The following HBS1L variants were observed in gnomAD, a reference collection of about 807,000 sequenced individuals.
The protein encoded by HBS1L is HBS1-like protein.
A neutral mutation model predicts 88.9 loss-of-function variants in HBS1L; 55 were observed. The ratio of observed to expected loss-of-function variants is 0.62; its 90% CI spans 0.50 to 0.77. The LOEUF (loss-of-function observed/expected upper bound fraction) is 0.77, where lower values mean the gene tolerates loss of function less well. Among genes scored for constraint, HBS1L ranks in the 30% least tolerant of loss-of-function variants. HBS1L has a pLI of 0.00. For synonymous variants in HBS1L, 267 were observed against 288.5 expected (o/e 0.93, Z 0.76); for missense variants, 741 against 829.3 (o/e 0.89, Z 1.31).
At chr6:135,000,133 A>G (rs965700661) in intron 5 of HBS1L, among the ~76,000 whole-genome samples, 1 of 151,576 alleles carries the variant, frequency 6.6e-6, no homozygotes, top group Non-Finnish European at 1.5e-5. Flanking sequence ...ATATTGGCTC[A>G]CTGCAGTCTT....
intron 4 of HBS1L, among the ~76,000 whole-genome samples, chr6:135,019,735 T>C (rs184784456): frequency 6.6e-5 from 10 of 152,036 alleles, no homozygotes; most frequent in African/African-American, 1.9e-4. Flanking sequence ...TCATTGTATA[T>C]CTCCAGATAT....
At chr6:135,011,351 A>G (rs946380070) in intron 4 of HBS1L, among the ~76,000 whole-genome samples, 1 of 151,898 alleles carries the variant, frequency 6.6e-6, no homozygotes, top group Non-Finnish European at 1.5e-5. Context: ...CTGTCTCCAC[A>G]CACACAAAAA....
chr6:135,021,686 T>A (rs1776075348), intron 4 of HBS1L, among the ~76,000 whole-genome samples: 1 of 152,140 alleles, frequency 6.6e-6, no homozygotes, highest in Non-Finnish European at 1.5e-5. Context: ...TGTTACAGAA[T>A]AAAAGTTTGT....
At chr6:134,998,906 A>T (rs1424081515) in intron 5 of HBS1L, among the ~76,000 whole-genome samples, 1 of 152,236 alleles carries the variant, frequency 6.6e-6, no homozygotes, top group Non-Finnish European at 1.5e-5. Context: ...ACTAGTAGGT[A>T]AAAACAGTAA....
Position 135,042,144 on chromosome 6 carries a change from C to A in HBS1L, c.110-18G>T. 1.2e-6 allele frequency: 2 copies of A among 1,608,032 alleles called. No individual in the cohort carries two copies. Among genetic ancestry groups the A allele is most frequent in the South Asian group, 1.1e-5 (1 of 90,428 alleles). On this transcript the variant is annotated intron_variant, in intron 2 of 17. Coordinates refer to ENST00000367837, the MANE Select transcript of HBS1L (RefSeq NM_006620.4). ...CTGAGCAGCTAGAATATAAAATGATCAAAGAATGCTATGGTATAGCCATTT... is the reference window on the plus strand; with the variant it reads ...CTGAGCAGCTAGAATATAAAATGATAAAAGAATGCTATGGTATAGCCATTT...
intron 15 of HBS1L, 106 bp downstream of exon 15, chr6:134,978,573 T>C (rs776238065): frequency 1.0e-5 from 6 of 575,436 alleles, no homozygotes; most frequent in Non-Finnish European, 1.2e-5. Flanking sequence ...AAGATGTTAA[T>C]TCAAAATAAA....
intron 13 of HBS1L, among the ~76,000 whole-genome samples, chr6:134,981,789 T>G (rs1001677009): frequency 2.0e-5 from 3 of 151,952 alleles, no homozygotes; most frequent in Admixed American, 1.3e-4. Flanking sequence ...ATAATATACA[T>G]GTACATGTAA....
rs1029228263 is a variant in HBS1L at position 134,965,018 on chromosome 6, A to T, written c.*261T>A. The T allele has an allele frequency of 2.0e-6, 1 of 509,700 alleles. No individual in the cohort carries two copies. Among genetic ancestry groups the T allele is most frequent in the African/African-American group, 2.0e-5 (1 of 50,712 alleles). The allele number at this position is 509,700 out of a possible 1,614,324, so 31.6% of individuals were successfully genotyped here. On this transcript the variant is annotated 3_prime_UTR_variant, in exon 18 of 18. Transcript: ENST00000367837. Reference sequence around the variant, plus strand: ...ATACTATTTTTGACACTTGCCATAAATCTTAGCAAAGTAAATCCATTTATT... The same window carrying T: ...ATACTATTTTTGACACTTGCCATAATTCTTAGCAAAGTAAATCCATTTATT...
chr6:135,003,914 A>G (rs2114819166), intron 4 of HBS1L, among the ~76,000 whole-genome samples: 1 of 152,268 alleles, frequency 6.6e-6, no homozygotes, highest in Middle Eastern at 3.4e-3. Context: ...GGAGGGATGG[A>G]GGAGAATAAA....
intron 15 of HBS1L, among the ~76,000 whole-genome samples, chr6:134,976,271 T>C (rs976100542): frequency 6.6e-6 from 1 of 152,072 alleles, no homozygotes; most frequent in Admixed American, 6.6e-5. Flanking sequence ...TGTTGCCCTG[T>C]ATGCGATGAA....
At chr6:134,997,725 C>G in intron 5 of HBS1L, 69 bp from the exon 6 acceptor site, 1 of 1,388,290 alleles carries the variant, frequency 7.2e-7, no homozygotes, top group Non-Finnish European at 1.0e-6. Context: ...GACAGAAGGG[C>G]AGAGAAACTG....
At chr6:134,998,568 T>C (rs1775355254) in intron 5 of HBS1L, among the ~76,000 whole-genome samples, 1 of 152,236 alleles carries the variant, frequency 6.6e-6, no homozygotes, top group Non-Finnish European at 1.5e-5. Context: ...TCCAACTCTA[T>C]GTGGAGCTGG....
rs547402273 is a variant in HBS1L, at chr6:134,996,953, T to C, written c.800-11A>G. On this transcript the variant is annotated splice_polypyrimidine_tract_variant and intron_variant, in intron 6 of 17. Transcript: ENST00000367837. ...CAGCATCAACATGACCTAAAGAAAA[T>C]TGATTCAGGATTAATACCAGGTACA... 98 of 1,562,168 alleles carry C rather than the reference T, an allele frequency of 6.3e-5. No homozygotes were observed. In the South Asian group the frequency reaches 8.3e-4, roughly 13 times the overall value.
intron 16 of HBS1L, 92 bp from the exon 17 acceptor site, chr6:134,966,565 C>T (rs1774322153): frequency 2.6e-6 from 2 of 765,910 alleles, no homozygotes; most frequent in Non-Finnish European, 2.0e-6. Flanking sequence ...CACATTTAAC[C>T]AACATATCAA....
chr6:134,967,787 T>C (rs1774358388), intron 16 of HBS1L, among the ~76,000 whole-genome samples: 1 of 152,218 alleles, frequency 6.6e-6, no homozygotes, highest in Non-Finnish European at 1.5e-5. Flanking sequence ...CACTTGAGCT[T>C]TGTGTCACTT....
chr6:135,042,606 C>T (rs1033426616), intron 2 of HBS1L, among the ~76,000 whole-genome samples: 3 of 152,108 alleles, frequency 2.0e-5, no homozygotes, highest in Admixed American at 6.5e-5. Context: ...GTCAGGAGTT[C>T]GAGACCAGCC....
At chr6:134,992,135 T>C (rs1166422352) in intron 8 of HBS1L, among the ~76,000 whole-genome samples, 1 of 152,208 alleles carries the variant, frequency 6.6e-6, no homozygotes, top group Non-Finnish European at 1.5e-5. Flanking sequence ...GTTTTTGCCA[T>C]GTAACAGAGT....
intron 8 of HBS1L, among the ~76,000 whole-genome samples, chr6:134,988,874 T>C (rs1428330498): frequency 6.6e-6 from 1 of 152,170 alleles, no homozygotes; most frequent in Non-Finnish European, 1.5e-5. Context: ...GTACTGTTTA[T>C]AATGAAGAAA....
intron 4 of HBS1L, among the ~76,000 whole-genome samples, chr6:135,034,533 A>T (rs1031001833): frequency 2.0e-5 from 3 of 152,096 alleles, no homozygotes; most frequent in Non-Finnish European, 4.4e-5. Flanking sequence ...AATCCCAGCT[A>T]CTCGGGGGGC....
Sources: gnomAD v4.1 joint callset for allele counts (sites outside exome capture counted in the v4.1 genomes callset) on GRCh38, gnomAD v4.1.1 for gene constraint, MANE v1.5 for transcripts, NCBI Gene and HGNC (gene_info 2026-07-23, HGNC 2026-07-21) for gene names.